Variants in AKAP19 observed in about 807,000 individuals in gnomAD.
AKAP19 encodes the protein small A-kinase anchoring protein.
the AKAP19 span, among the ~76,000 whole-genome samples, chr2:189,998,771 CTTTTTT>C: frequency 2.1e-5 from 2 of 97,544 alleles, no homozygotes; most frequent in African/African-American, 4.3e-5. Context: ...TTCTTTCTTT[CTTTTTT>C]TTTTTTTTTT....
the AKAP19 span, among the ~76,000 whole-genome samples, chr2:190,155,137 C>T: frequency 6.6e-6 from 1 of 152,136 alleles, no homozygotes; most frequent in Non-Finnish European, 1.5e-5. Context: ...TTTTCTCTCC[C>T]CCCTTCCCCT....
At chr2:190,000,619 C>T in the AKAP19 span, among the ~76,000 whole-genome samples, 1 of 152,138 alleles carries the variant, frequency 6.6e-6, no homozygotes, top group Non-Finnish European at 1.5e-5. Context: ...TGAAGGTTTA[C>T]CTTCATTAAT....
At chr2:190,024,823 T>C in the AKAP19 span, among the ~76,000 whole-genome samples, 1 of 152,340 alleles carries the variant, frequency 6.6e-6, no homozygotes, top group East Asian at 1.9e-4. Context: ...CATATCTATG[T>C]GTCTTTTGCC....
the AKAP19 span, among the ~76,000 whole-genome samples, chr2:190,018,539 G>T: frequency 6.6e-6 from 1 of 151,720 alleles, no homozygotes; most frequent in Non-Finnish European, 1.5e-5. Flanking sequence ...GATTTCACAT[G>T]TTTTCTATTT....
At chr2:190,049,925 T>C in the AKAP19 span, among the ~76,000 whole-genome samples, 1 of 152,252 alleles carries the variant, frequency 6.6e-6, no homozygotes, top group Non-Finnish European at 1.5e-5. Context: ...TGTATGTTAT[T>C]TCCAACCTTA....
the AKAP19 span, among the ~76,000 whole-genome samples, chr2:189,992,010 T>G: frequency 6.6e-6 from 1 of 151,968 alleles, no homozygotes; most frequent in African/African-American, 2.4e-5. Flanking sequence ...TGGCTGAGTC[T>G]ATAAAAATAG....
the AKAP19 span, among the ~76,000 whole-genome samples, chr2:189,903,120 G>A: frequency 6.6e-6 from 1 of 151,734 alleles, no homozygotes. Flanking sequence ...GAAAATCAGA[G>A]AGTAAAAGAT....
the AKAP19 span, among the ~76,000 whole-genome samples, chr2:190,140,156 A>T: frequency 6.6e-6 from 1 of 152,180 alleles, no homozygotes; most frequent in Non-Finnish European, 1.5e-5. Flanking sequence ...CTGATATAAG[A>T]GGTGAGTTCC....
At chr2:190,201,197 C>CTGTT in the AKAP19 span, 3 of 166,996 alleles carry the variant, frequency 1.8e-5, no homozygotes, top group East Asian at 3.8e-4. Context: ...ACCTATTATA[C>CTGTT]TGTTTCCATA....
chr2:189,936,412 T>G, the AKAP19 span, among the ~76,000 whole-genome samples: 1 of 152,170 alleles, frequency 6.6e-6, no homozygotes, highest in Non-Finnish European at 1.5e-5. Context: ...AGGACCTTGT[T>G]AAAATCTAGA....
the AKAP19 span, among the ~76,000 whole-genome samples, chr2:190,122,199 T>A: frequency 6.6e-6 from 1 of 152,190 alleles, no homozygotes; most frequent in African/African-American, 2.4e-5. Context: ...AGTGACTGCA[T>A]TCATTCTAGG....
chr2:190,187,528 G>A, the AKAP19 span, among the ~76,000 whole-genome samples: 1 of 150,120 alleles, frequency 6.7e-6, no homozygotes. Context: ...TGATGACACT[G>A]CACCCAGAAT....
At chr2:190,084,802 AT>A in the AKAP19 span, among the ~76,000 whole-genome samples, 2 of 152,340 alleles carry the variant, frequency 1.3e-5, no homozygotes, top group South Asian at 2.1e-4. Context: ...GTTACTTAAC[AT>A]TCTGTAAAAT....
At chr2:190,201,153 A>G in the AKAP19 span, 1 of 166,990 alleles carries the variant, frequency 6.0e-6, no homozygotes, top group Non-Finnish European at 1.5e-5. Context: ...GTTATTTTTT[A>G]GTGGTAACAC....
At chr2:190,084,630 A>T in the AKAP19 span, among the ~76,000 whole-genome samples, 11 of 152,318 alleles carry the variant, frequency 7.2e-5, no homozygotes, top group Admixed American at 7.2e-4. Flanking sequence ...TCAGTCATTT[A>T]ATTAACTGAC....
At chr2:190,167,532 CTG>C in the AKAP19 span, among the ~76,000 whole-genome samples, 1 of 152,168 alleles carries the variant, frequency 6.6e-6, no homozygotes. Flanking sequence ...AAATGAGACT[CTG>C]AGACAAGGCA....
At chr2:190,016,601 G>A in the AKAP19 span, among the ~76,000 whole-genome samples, 2 of 152,174 alleles carry the variant, frequency 1.3e-5, no homozygotes, top group African/African-American at 4.8e-5. Flanking sequence ...GAATTTTCTA[G>A]TTTGTGTCCT....
the AKAP19 span, among the ~76,000 whole-genome samples, chr2:189,950,531 G>C: frequency 6.6e-6 from 1 of 151,908 alleles, no homozygotes; most frequent in Non-Finnish European, 1.5e-5. Context: ...TAAGAGAGGG[G>C]CTAATGGTAG....
the AKAP19 span, among the ~76,000 whole-genome samples, chr2:189,943,261 T>C: frequency 3.0e-4 from 46 of 152,330 alleles, no homozygotes; most frequent in African/African-American, 1.1e-3. Flanking sequence ...GCTCCCTGCA[T>C]CCCAGCTACT....
Sources: allele counts gnomAD v4.1 joint callset (sites outside exome capture counted in the v4.1 genomes callset), GRCh38; gene constraint gnomAD v4.1.1; transcripts MANE v1.5; gene names NCBI Gene and HGNC (gene_info 2026-07-23, HGNC 2026-07-21).